SGMS1: variants seen among roughly 807,000 people sequenced by gnomAD.
The protein encoded by SGMS1 is phosphatidylcholine:ceramide cholinephosphotransferase 1.
In SGMS1, 13 loss-of-function variants were observed where a neutral mutation model predicts 46.2. That is an observed-to-expected ratio of 0.28 (90% confidence interval 0.18 to 0.45). SGMS1 has a LOEUF of 0.45. SGMS1 is among the 20% of genes least tolerant of loss of function. SGMS1 has a pLI of 1.00. For synonymous variants in SGMS1, 203 were observed against 187.8 expected, an observed-to-expected ratio of 1.08 and a Z score of -0.66; for missense variants, 324 against 519.9, an observed-to-expected ratio of 0.62 and a Z score of 3.66.
chr10:50,567,539 CT>C, intron 2 of SGMS1, among the ~76,000 whole-genome samples: 1 of 152,322 alleles, frequency 6.6e-6, no homozygotes, highest in Non-Finnish European at 1.5e-5. Flanking sequence ...CCCACTTGGG[CT>C]GCCACCTGGC....
chr10:50,581,981 C>T (rs534850303), intron 2 of SGMS1, among the ~76,000 whole-genome samples: 5 of 152,164 alleles, frequency 3.3e-5, no homozygotes, highest in African/African-American at 9.7e-5. Context: ...GCACAGTGGC[C>T]GTCTGCAAGG....
intron 6 of SGMS1, among the ~76,000 whole-genome samples, chr10:50,420,038 G>C (rs1180773828): frequency 6.6e-6 from 1 of 152,180 alleles, no homozygotes; most frequent in Non-Finnish European, 1.5e-5. Flanking sequence ...ATCTCTCTCT[G>C]AGGATCTCTA....
intron 6 of SGMS1, among the ~76,000 whole-genome samples, chr10:50,427,347 C>T (rs931914146): frequency 6.6e-6 from 1 of 152,126 alleles, no homozygotes; most frequent in Non-Finnish European, 1.5e-5. Context: ...TGCAGTGAGC[C>T]GAGATGGCGC....
intron 7 of SGMS1, among the ~76,000 whole-genome samples, chr10:50,334,372 T>C (rs1847678734): frequency 6.6e-6 from 1 of 152,220 alleles, no homozygotes; most frequent in Admixed American, 6.5e-5. Flanking sequence ...CGAATGTGTA[T>C]ATGCATACAT....
In SGMS1 at chr10:50,307,388, C is replaced by A. The variant is rs531812051; in HGVS notation, c.1063-67G>T. 3.4e-6 allele frequency: 5 copies of A among 1,472,762 alleles called. No individual in the cohort carries two copies. The highest frequency in any genetic ancestry group is 3.7e-6 in the Non-Finnish European group (4 of 1,079,420). The allele number at this position is 1,472,762 out of a possible 1,614,324, so 91.2% of individuals were successfully genotyped here. ...TCACTTTAAGTTCAAATACTTGCCA[C>A]GCTAAAATTCCCAAAGGACTCCATA... On this transcript the variant is annotated intron_variant, in intron 10 of 10. Transcript: ENST00000361781. The surrounding 1 kb of genome is among the most constrained non-coding windows in gnomAD (Gnocchi z 4.2).
At chr10:50,572,794 A>G (rs1484460713) in intron 2 of SGMS1, among the ~76,000 whole-genome samples, 1 of 152,200 alleles carries the variant, frequency 6.6e-6, no homozygotes, top group Non-Finnish European at 1.5e-5. Context: ...TATAGTAATG[A>G]AATAAATTAT....
chr10:50,409,555 G>C (rs1439513992), intron 6 of SGMS1, among the ~76,000 whole-genome samples: 2 of 152,186 alleles, frequency 1.3e-5, no homozygotes, highest in Non-Finnish European at 2.9e-5. Flanking sequence ...AGACTGTGAT[G>C]ACTAGTTTGT....
At chr10:50,471,800 G>A (rs527878302) in intron 3 of SGMS1, among the ~76,000 whole-genome samples, 1 of 152,228 alleles carries the variant, frequency 6.6e-6, no homozygotes, top group African/African-American at 2.4e-5. Context: ...CTCCAGTAGA[G>A]CATTACTAAA....
At chr10:50,315,215 G>A (rs1368379475) in intron 8 of SGMS1, among the ~76,000 whole-genome samples, 2 of 152,166 alleles carry the variant, frequency 1.3e-5, no homozygotes, top group Non-Finnish European at 2.9e-5. Flanking sequence ...GAAAAAAACA[G>A]GAAACACAAT....
At chr10:50,518,519 T>C (rs2983346) in intron 3 of SGMS1, among the ~76,000 whole-genome samples, 116,832 of 152,108 alleles carry the variant, frequency 0.77, 45,217 homozygotes, top group Non-Finnish European at 0.82. Flanking sequence ...CTCCGCCTCC[T>C]GGGTTCAAGT....
Position 50,497,604 on chromosome 10 carries a change from C to A in SGMS1, c.-498+22227G>T, listed in dbSNP as rs184677320. Among the ~76,000 whole-genome samples the A allele has an allele frequency of 1.1e-3, 172 of 152,210 alleles. 2 individuals are homozygous for A. Among genetic ancestry groups the A allele is most frequent in the African/African-American group, 4.0e-3 (168 of 41,542 alleles). ...GTTCAGGAGTTTAAGACCAGCCTGG[C>A]CAACATAGTGAAACCCTGTCTCTAC... On this transcript the variant is annotated intron_variant, in intron 3 of 10. Coordinates refer to ENST00000361781, the MANE Select transcript of SGMS1 (RefSeq NM_147156.4).
At chr10:50,361,453 A>G (rs2133415632) in intron 6 of SGMS1, among the ~76,000 whole-genome samples, 1 of 152,316 alleles carries the variant, frequency 6.6e-6, no homozygotes, top group East Asian at 1.9e-4. Context: ...AACCTGGATC[A>G]CAGAGAATAT....
chr10:50,456,953 G>T (rs1837198986), intron 5 of SGMS1, among the ~76,000 whole-genome samples: 1 of 152,220 alleles, frequency 6.6e-6, no homozygotes, highest in Non-Finnish European at 1.5e-5. Context: ...ATTGCATGAT[G>T]TGACAGGGGA....
intron 6 of SGMS1, among the ~76,000 whole-genome samples, chr10:50,346,891 G>A (rs1454651251): frequency 6.6e-6 from 1 of 151,764 alleles, no homozygotes; most frequent in Non-Finnish European, 1.5e-5. Context: ...GTAGAGATTG[G>A]GGTGGGGGGT....
intron 2 of SGMS1, among the ~76,000 whole-genome samples, chr10:50,554,651 A>G (rs1838175896): frequency 6.6e-6 from 1 of 152,056 alleles, no homozygotes. Flanking sequence ...GCCCCACCAC[A>G]GCTCATCTAA....
chr10:50,574,963 G>GTGTATATATATATA (rs1554793448), intron 2 of SGMS1, among the ~76,000 whole-genome samples: 25 of 99,874 alleles, frequency 2.5e-4, no homozygotes, highest in African/African-American at 7.1e-4. Flanking sequence ...AAAATGTGGT[G>GTGTATATATATATA]TATATATATA....
chr10:50,509,730 A>G (rs951330524), intron 3 of SGMS1, among the ~76,000 whole-genome samples: 1 of 152,236 alleles, frequency 6.6e-6, no homozygotes, highest in African/African-American at 2.4e-5. Context: ...ATTAGAAGCC[A>G]GAGTACTGAA....
chr10:50,528,092 A>G (rs1160544588), intron 2 of SGMS1, among the ~76,000 whole-genome samples: 1 of 152,262 alleles, frequency 6.6e-6, no homozygotes, highest in African/African-American at 2.4e-5. Context: ...CCTAAGTAAT[A>G]TTTAAGAGTA....
intron 2 of SGMS1, among the ~76,000 whole-genome samples, chr10:50,524,238 C>T (rs758987233): frequency 6.6e-6 from 1 of 152,160 alleles, no homozygotes; most frequent in African/African-American, 2.4e-5. Context: ...TTGTTGAATT[C>T]TGTTTCCTCA....
Sources: allele counts gnomAD v4.1 joint callset (sites outside exome capture counted in the v4.1 genomes callset), GRCh38; gene constraint gnomAD v4.1.1; non-coding constraint Gnocchi (gnomAD v3.1); transcripts MANE v1.5; gene names NCBI Gene and HGNC (gene_info 2026-07-23, HGNC 2026-07-21).